The following ADAMTS17 variants were observed in gnomAD, a reference collection of about 807,000 sequenced individuals.
The protein encoded by ADAMTS17 is ADAM metallopeptidase with thrombospondin type 1 motif 17.
Under a neutral mutation model 141.5 loss-of-function variants are expected in ADAMTS17, and 113 were observed. The ratio of observed to expected loss-of-function variants is 0.80; its 90% confidence interval spans 0.69 to 0.93. The LOEUF is 0.93. Among genes scored for constraint, ADAMTS17 ranks in the 40% least tolerant of loss-of-function variants. The pLI is 0.00. For synonymous variants in ADAMTS17, 768 were observed against 630.6 expected, an observed-to-expected ratio of 1.22 and a Z score of -3.27; for missense variants, 1,659 against 1,517.9, an observed-to-expected ratio of 1.09 and a Z score of -1.54.
intron 12 of ADAMTS17, among the ~76,000 whole-genome samples, chr15:100,127,224 T>C (rs2037784835): frequency 6.6e-6 from 1 of 152,146 alleles, no homozygotes. Context: ...AAAAGGGCCT[T>C]GGCAGATGTA....
chr15:100,157,824 G>C (rs546515340), intron 8 of ADAMTS17, among the ~76,000 whole-genome samples: 1 of 152,144 alleles, frequency 6.6e-6, no homozygotes, highest in East Asian at 1.9e-4. Flanking sequence ...ATCCAATTAG[G>C]GTTAAAGGAA....
chr15:99,997,449 G>T lies in ADAMTS17; in HGVS notation c.2732C>A (p.Ala911Glu). The T allele has an allele frequency of 1.2e-6, 2 of 1,613,590 alleles. No homozygotes were observed. The highest frequency in any genetic ancestry group is 2.2e-5 in the East Asian group (1 of 44,876). The part of the protein sequence containing the change: ...RPLYCPGPRP[A>E]AVQSCEGQDC... ...CTGGCCTTCACAGCTCTGCACTGCC[G>T]CCGGCCGGGGGCCCGGGCAGTAGAG... Residue 911 changes from alanine to glutamate, a missense_variant, in exon 19 of 22, where the codon GCG becomes GAG. By Grantham distance (107) the Ala-to-Glu change is moderately radical. Transcript: ENST00000268070. This position sits in a 1 kb window ranked among gnomAD's most constrained non-coding sequence, Gnocchi z 4.7.
chr15:100,157,245 C>T (rs2039478281), intron 8 of ADAMTS17, among the ~76,000 whole-genome samples: 1 of 152,140 alleles, frequency 6.6e-6, no homozygotes. Flanking sequence ...TGGGTGGGGA[C>T]ACAGCCAAAC....
intron 8 of ADAMTS17, among the ~76,000 whole-genome samples, chr15:100,162,179 A>AC (rs2039720453): frequency 6.6e-6 from 1 of 152,124 alleles, no homozygotes; most frequent in South Asian, 2.1e-4. Context: ...CTCTAAGCTA[A>AC]CCAGAGGACT....
chr15:100,331,883 T>C (rs2141958302), intron 2 of ADAMTS17, among the ~76,000 whole-genome samples: 1 of 152,220 alleles, frequency 6.6e-6, no homozygotes, highest in Non-Finnish European at 1.5e-5. Flanking sequence ...TTCCATGTAA[T>C]ACAGGGACCA....
chr15:100,102,632 T>A (rs1011046062), intron 14 of ADAMTS17, among the ~76,000 whole-genome samples: 6 of 152,162 alleles, frequency 3.9e-5, no homozygotes, highest in Admixed American at 1.3e-4. Context: ...GGGATCCACA[T>A]TTGAAGCTGG....
Position 100,071,749 on chromosome 15 carries a change from G to C in ADAMTS17, c.2138-17695C>G, listed in dbSNP as rs964367079. ...ACTCTCAATAAATTAGGTATTGATAGGTATCTCAAAATAATAAGAGCTATT... is the reference window on the plus strand; with the variant it reads ...ACTCTCAATAAATTAGGTATTGATACGTATCTCAAAATAATAAGAGCTATT... On this transcript the variant is annotated intron_variant, in intron 15 of 21. Coordinates refer to ENST00000268070, the MANE Select transcript of ADAMTS17 (RefSeq NM_139057.4). Among the ~76,000 whole-genome samples the C allele has an allele frequency of 2.5e-3, 367 of 149,666 alleles. 20 individuals carry two copies. The highest frequency in any genetic ancestry group is 8.6e-3 in the African/African-American group (349 of 40,596).
intron 18 of ADAMTS17, among the ~76,000 whole-genome samples, chr15:100,011,475 C>T (rs976428130): frequency 1.3e-4 from 20 of 151,696 alleles, no homozygotes; most frequent in African/African-American, 4.9e-4. Context: ...AGAACAAAGG[C>T]AGGCAGGAAG....
At chr15:100,164,092 T>C (rs1469600326) in intron 8 of ADAMTS17, among the ~76,000 whole-genome samples, 2 of 152,186 alleles carry the variant, frequency 1.3e-5, no homozygotes, top group Non-Finnish European at 2.9e-5. Flanking sequence ...CACCAGGCGC[T>C]AGCTGCTTAG....
intron 7 of ADAMTS17, among the ~76,000 whole-genome samples, chr15:100,236,870 T>C (rs1221832824): frequency 6.6e-6 from 1 of 152,092 alleles, no homozygotes; most frequent in African/African-American, 2.4e-5. Context: ...CAACTACTTG[T>C]TCCATGCTCC....
At chr15:100,114,642 G>A (rs2036997769) in intron 13 of ADAMTS17, among the ~76,000 whole-genome samples, 1 of 152,162 alleles carries the variant, frequency 6.6e-6, no homozygotes, top group African/African-American at 2.4e-5. Context: ...ATCAAACAGG[G>A]CTGCTCTTTT....
At chr15:100,300,066 G>A (rs544359399) in intron 3 of ADAMTS17, among the ~76,000 whole-genome samples, 2 of 152,148 alleles carry the variant, frequency 1.3e-5, no homozygotes, top group African/African-American at 4.8e-5. Context: ...CTTTTCAGAG[G>A]ATTAGCAAGC....
At chr15:100,122,165 A>G (rs1054336125) in intron 12 of ADAMTS17, among the ~76,000 whole-genome samples, 3 of 152,162 alleles carry the variant, frequency 2.0e-5, no homozygotes, top group African/African-American at 7.2e-5. Flanking sequence ...CTCAGACCTA[A>G]AGACACAGGA....
chr15:99,988,970 CAA>C (rs1326030360), intron 20 of ADAMTS17, among the ~76,000 whole-genome samples: 1 of 152,162 alleles, frequency 6.6e-6, no homozygotes, highest in Admixed American at 6.5e-5. Context: ...TGTACAAAAG[CAA>C]AAGTGTCCAG....
rs147523700 is a variant in ADAMTS17, at chr15:100,265,843, C to G, written c.790-3408G>C. On this transcript the variant is annotated intron_variant, in intron 4 of 21. Transcript: ENST00000268070. ...CAGCAGCACCAACATGACCTGGGCA[C>G]TTGTTGGAAATGCACATTCTGGAGT... Among the ~76,000 whole-genome samples, 206 of 152,344 alleles carry G rather than the reference C, an allele frequency of 1.4e-3. 1 individual carries two copies. Among genetic ancestry groups the G allele is most frequent in the African/African-American group, 4.8e-3 (199 of 41,562 alleles).
rs559655235 is a variant in ADAMTS17, at chr15:100,119,320, G to C, written c.1722-2307C>G. 8.5e-5 allele frequency among the ~76,000 whole-genome samples: 13 copies of C among 152,220 alleles called. No individual in the cohort carries two copies. In the South Asian group the frequency reaches 2.5e-3, roughly 29 times the overall value. ...ACGACACAAGGACCAGATGCTCCTC[G>C]CGGAACTTACATGCAGACTAAGGGA... On this transcript the variant is annotated intron_variant, in intron 12 of 21. Transcript: ENST00000268070.
At chr15:100,044,231 T>C (rs937951946) in intron 18 of ADAMTS17, among the ~76,000 whole-genome samples, 30 of 152,220 alleles carry the variant, frequency 2.0e-4, no homozygotes, top group African/African-American at 7.2e-4. Flanking sequence ...TTTTGATCAC[T>C]GTTTCTTAAA....
chr15:100,074,239 A>G (rs183745066), intron 15 of ADAMTS17: 2 of 152,682 alleles, frequency 1.3e-5, no homozygotes, highest in East Asian at 3.9e-4. Flanking sequence ...AAAATGTCAA[A>G]TATTCCTGGA....
intron 18 of ADAMTS17, among the ~76,000 whole-genome samples, chr15:100,040,459 T>A (rs922515065): frequency 6.6e-6 from 1 of 152,234 alleles, no homozygotes; most frequent in African/African-American, 2.4e-5. Flanking sequence ...TCCTTTCTTG[T>A]AACTGTGACA....
Sources: gnomAD v4.1 joint callset for allele counts (sites outside exome capture counted in the v4.1 genomes callset) on GRCh38, gnomAD v4.1.1 for gene constraint, Gnocchi (gnomAD v3.1) non-coding constraint, MANE v1.5 for transcripts, NCBI Gene and HGNC (gene_info 2026-07-23, HGNC 2026-07-21) for gene names.